Variants in CFAP61 observed in about 807,000 individuals in gnomAD.
CFAP61 encodes the protein cilia- and flagella-associated protein 61.
In CFAP61, 107 loss-of-function variants were observed where a neutral mutation model predicts 135.6. The ratio of observed to expected loss-of-function variants is 0.79; its 90% CI spans 0.67 to 0.93. The LOEUF (loss-of-function observed/expected upper bound fraction) is 0.93. CFAP61 is among the 40% of genes least tolerant of loss of function. The pLI is 0.00. For missense variants in CFAP61, 1,507 were observed against 1,556.2 expected (o/e 0.97, Z 0.53); for synonymous variants, 575 against 578.5 (o/e 0.99, Z 0.09).
At chr20:20,353,103 A>G (rs1569327280) in intron 26 of CFAP61, among the ~76,000 whole-genome samples, 1 of 152,238 alleles carries the variant, frequency 6.6e-6, no homozygotes, top group Non-Finnish European at 1.5e-5. Context: ...AAAAGAAGAC[A>G]TACAGTAGGT....
rs115178839 is a variant in CFAP61 at position 20,263,070 on chromosome 20, G to A, written c.2443G>A (p.Glu815Lys). 1.2e-4 allele frequency: 200 copies of A among 1,614,046 alleles called. 1 individual carries two copies. The highest frequency in any genetic ancestry group is 8.6e-4 in the South Asian group (78 of 91,082). Residue 815 changes from glutamate to lysine, a missense_variant, in exon 21 of 27, where the codon GAG (glutamate) becomes AAG (lysine). Glu to Lys is a moderately conservative substitution (Grantham distance 56). Coordinates refer to ENST00000245957, the MANE Select transcript of CFAP61 (RefSeq NM_015585.4). ...KVPCNHFTLNEEEDCFKALIW... is the reference protein window; with the variant it reads ...KVPCNHFTLNKEEDCFKALIW... ...TCCTTGCAACCATTTCACTCTCAAC[G>A]AGGAAGAGGATTGCTTTAAGGCACT...
At chr20:20,295,417 G>A (rs2055347014) in intron 24 of CFAP61, among the ~76,000 whole-genome samples, 1 of 152,170 alleles carries the variant, frequency 6.6e-6, no homozygotes, top group Non-Finnish European at 1.5e-5. Flanking sequence ...GCCAGAGTCT[G>A]TGGTGCGTCC....
intron 20 of CFAP61, 141 bp downstream of exon 20, chr20:20,251,904 C>T (rs2050949502): frequency 1.2e-6 from 1 of 822,578 alleles, no homozygotes; most frequent in Non-Finnish European, 1.9e-6. Flanking sequence ...CATAAAAGCA[C>T]CCTTCAGGGC....
At chr20:20,232,959 G>C (rs1328640839) in intron 18 of CFAP61, 1 of 152,194 alleles carries the variant, frequency 6.6e-6, no homozygotes, top group African/African-American at 2.4e-5. Context: ...GAGTTTTCTC[G>C]AAAACTGACC....
chr20:20,195,310 C>T lies in CFAP61; in HGVS notation c.1591-1260C>T, dbSNP rs569419988. ...TCAGGGGCCTTGCATTCTCCAATTTCTGTTCTTGAAAGTAGGCTTTTAAAA... is the reference window on the plus strand; with the variant it reads ...TCAGGGGCCTTGCATTCTCCAATTTTTGTTCTTGAAAGTAGGCTTTTAAAA... On this transcript the variant is annotated intron_variant, in intron 15 of 26. Transcript: ENST00000245957. Among the ~76,000 whole-genome samples, 85 of 152,352 alleles carry T rather than the reference C, an allele frequency of 5.6e-4. 3 individuals are homozygous for T. In the South Asian group the frequency reaches 0.017, roughly 31 times the overall value.
At chr20:20,121,662 T>G (rs943306930) in intron 8 of CFAP61, among the ~76,000 whole-genome samples, 6 of 152,058 alleles carry the variant, frequency 3.9e-5, no homozygotes, top group African/African-American at 1.4e-4. Flanking sequence ...GCCCAGCTAA[T>G]TTTTGTATTT....
At chr20:20,287,563 G>A (rs2054683015) in intron 22 of CFAP61, among the ~76,000 whole-genome samples, 1 of 152,212 alleles carries the variant, frequency 6.6e-6, no homozygotes, top group Non-Finnish European at 1.5e-5. Flanking sequence ...ATTCATGGGT[G>A]TGGGGCAGGA....
chr20:20,188,204 G>A (rs979246007), intron 14 of CFAP61, 148 bp downstream of exon 14: 47 of 784,308 alleles, frequency 6.0e-5, no homozygotes, highest in Non-Finnish European at 8.9e-5. Flanking sequence ...AGCAAGAAGA[G>A]AAAACTGTGG....
intron 13 of CFAP61, among the ~76,000 whole-genome samples, chr20:20,175,014 G>T (rs181281563): frequency 2.6e-5 from 4 of 152,306 alleles, no homozygotes; most frequent in African/African-American, 9.6e-5. Context: ...TCAGCCAGGG[G>T]TGCAAGAGGA....
chr20:20,133,177 G>A (rs1228683683), intron 8 of CFAP61, among the ~76,000 whole-genome samples: 1 of 152,190 alleles, frequency 6.6e-6, no homozygotes, highest in East Asian at 1.9e-4. Flanking sequence ...TCTTGCAACT[G>A]CGTCAATAAT....
At chr20:20,143,804 A>C (rs953124651) in intron 9 of CFAP61, among the ~76,000 whole-genome samples, 16 of 152,328 alleles carry the variant, frequency 1.1e-4, no homozygotes, top group African/African-American at 3.8e-4. Flanking sequence ...GCACAGAGAG[A>C]GACATCATTG....
At chr20:20,069,650 G>A (rs576688146) in intron 2 of CFAP61, 1 of 436,676 alleles carries the variant, frequency 2.3e-6, no homozygotes, top group Non-Finnish European at 4.6e-6. Flanking sequence ...AGTCTGGAGA[G>A]ACAGAAACCA....
At chr20:20,114,697 A>G (rs556499841) in intron 8 of CFAP61, among the ~76,000 whole-genome samples, 2 of 152,278 alleles carry the variant, frequency 1.3e-5, no homozygotes, top group East Asian at 1.9e-4. Context: ...ATTTCTCTAT[A>G]TAATGTAAAT....
At chr20:20,131,844 T>C (rs1177452636) in intron 8 of CFAP61, among the ~76,000 whole-genome samples, 1 of 152,090 alleles carries the variant, frequency 6.6e-6, no homozygotes, top group Admixed American at 6.6e-5. Context: ...ATTATCAATA[T>C]GTTTGAAATT....
chr20:20,233,896 C>CT (rs1016703359), intron 18 of CFAP61, among the ~76,000 whole-genome samples: 1 of 152,032 alleles, frequency 6.6e-6, no homozygotes, highest in Non-Finnish European at 1.5e-5. Flanking sequence ...GCTTATTGTC[C>CT]TTTTTTTGTG....
In CFAP61 at chr20:20,319,051, C is replaced by T. The variant is rs576459793; in HGVS notation, c.3422+20665C>T. 5.9e-5 allele frequency among the ~76,000 whole-genome samples: 9 copies of T among 152,282 alleles called. No individual in the cohort carries two copies. In the East Asian group the frequency reaches 7.7e-4, roughly 13 times the overall value. On this transcript the variant is annotated intron_variant, in intron 25 of 26. Transcript: ENST00000245957. The stretch of plus-strand genomic sequence containing the variant: ...CCGGAGAAGACAAAACCCTTGTCTC[C>T]GCCTCCCATTGGCTGTCCCAAGACC...
In CFAP61 at chr20:20,252,623, C is replaced by A. The variant is rs560657762; in HGVS notation, c.2328+860C>A. Among the ~76,000 whole-genome samples, 15 of 151,970 alleles carry A rather than the reference C, an allele frequency of 9.9e-5. No homozygotes were observed. In the South Asian group the frequency reaches 2.3e-3, roughly 23 times the overall value. ...ATTTTATGTGTGGTCCAAGATGATTCTTCTTGTTTCAGTGTGGCTCAGGGA... is the reference window on the plus strand; with the variant it reads ...ATTTTATGTGTGGTCCAAGATGATTATTCTTGTTTCAGTGTGGCTCAGGGA... On this transcript the variant is annotated intron_variant, in intron 20 of 26. Coordinates refer to ENST00000245957, the MANE Select transcript of CFAP61 (RefSeq NM_015585.4).
intron 17 of CFAP61, among the ~76,000 whole-genome samples, chr20:20,201,814 A>G (rs1373092322): frequency 6.6e-6 from 1 of 152,216 alleles, no homozygotes. Context: ...CAGTGCTGAC[A>G]CTTATACTTC....
At chr20:20,217,867 C>G (rs2048141073) in intron 17 of CFAP61, among the ~76,000 whole-genome samples, 1 of 152,182 alleles carries the variant, frequency 6.6e-6, no homozygotes, top group South Asian at 2.1e-4. Context: ...GCAGCCTTCT[C>G]CTTTCAAAGG....
Sources: allele counts gnomAD v4.1 joint callset (sites outside exome capture counted in the v4.1 genomes callset), GRCh38; gene constraint gnomAD v4.1.1; transcripts MANE v1.5; gene names NCBI Gene and HGNC (gene_info 2026-07-23, HGNC 2026-07-21).